The following CARM1 variants were observed in gnomAD, a reference collection of about 807,000 sequenced individuals.
CARM1 encodes coactivator associated arginine methyltransferase 1, also known as histone-arginine methyltransferase CARM1.
Under a neutral mutation model 72.7 loss-of-function variants are expected in CARM1, and 14 were observed. The ratio of observed to expected loss-of-function variants is 0.19; its 90% CI spans 0.13 to 0.30. CARM1 has a LOEUF of 0.30. CARM1 is among the 10% of genes least tolerant of loss of function. The pLI is 1.00. For synonymous variants in CARM1, 333 were observed against 345.5 expected (o/e 0.96, Z 0.40); for missense variants, 432 against 833.7 (o/e 0.52, Z 5.93).
chr19:10,917,250 G>A (rs1047752090), intron 8 of CARM1, among the ~76,000 whole-genome samples: 16 of 152,078 alleles, frequency 1.1e-4, no homozygotes, highest in Non-Finnish European at 2.2e-4. Flanking sequence ...ACTTTGGGAG[G>A]CCAAGGCGGG....
At chr19:10,898,116 A>G (rs1370785066) in intron 1 of CARM1, among the ~76,000 whole-genome samples, 8 of 138,650 alleles carry the variant, frequency 5.8e-5, no homozygotes, top group Non-Finnish European at 1.3e-4. Context: ...AAAAAAAAGA[A>G]AAAAAAAAAA....
intron 2 of CARM1, among the ~76,000 whole-genome samples, chr19:10,905,439 G>A (rs1415271435): frequency 6.6e-6 from 1 of 152,180 alleles, no homozygotes; most frequent in Non-Finnish European, 1.5e-5. Context: ...GGCAGGAAGA[G>A]TTTGCTCAGG....
intron 1 of CARM1, among the ~76,000 whole-genome samples, chr19:10,901,988 A>G (rs1045711488): frequency 6.6e-6 from 1 of 152,090 alleles, no homozygotes; most frequent in Admixed American, 6.6e-5. Flanking sequence ...TCACCTCTGT[A>G]ATCCCAGCAC....
intron 6 of CARM1, among the ~76,000 whole-genome samples, chr19:10,914,470 C>G (rs1246869988): frequency 1.3e-5 from 2 of 152,254 alleles, no homozygotes; most frequent in East Asian, 3.9e-4. Context: ...TGCGAGTGTA[C>G]GTGTGTGAGG....
At chr19:10,907,567 T>C (rs2074114522) in intron 2 of CARM1, among the ~76,000 whole-genome samples, 1 of 152,228 alleles carries the variant, frequency 6.6e-6, no homozygotes, top group African/African-American at 2.4e-5. Flanking sequence ...ATTACAGGCA[T>C]GAGCCACTGC....
At chr19:10,885,650 G>A (rs1051928823) in intron 1 of CARM1, among the ~76,000 whole-genome samples, 1 of 152,212 alleles carries the variant, frequency 6.6e-6, no homozygotes, top group African/African-American at 2.4e-5. Context: ...ACATTCCAGA[G>A]AATTTGCTGC....
At chr19:10,891,574 C>A (rs1271673016) in intron 1 of CARM1, among the ~76,000 whole-genome samples, 1 of 152,202 alleles carries the variant, frequency 6.6e-6, no homozygotes, top group Non-Finnish European at 1.5e-5. Context: ...AGGGCCTGTT[C>A]CCACTCCCCT....
intron 8 of CARM1, among the ~76,000 whole-genome samples, chr19:10,918,561 G>C (rs1015865672): frequency 2.7e-4 from 41 of 152,070 alleles, no homozygotes; most frequent in African/African-American, 9.4e-4. Context: ...TGGTGTCTTA[G>C]CCTCTGATGC....
intron 1 of CARM1, among the ~76,000 whole-genome samples, chr19:10,902,558 C>G (rs1052668130): frequency 2.6e-5 from 4 of 151,034 alleles, no homozygotes; most frequent in African/African-American, 9.7e-5. Context: ...ATCCACCCAT[C>G]TTGCCCTCCC....
rs2074244063 is a variant in CARM1, at chr19:10,921,228, C to A, written c.1615+101C>A. On this transcript the variant is annotated intron_variant, in intron 14 of 15. Transcript: ENST00000327064. ...GACCAGGGTCGGCCTCTGCTTGGTCCTTTCACCTTTTCCTCTTCCTGGGGG... is the reference window on the plus strand; with the variant it reads ...GACCAGGGTCGGCCTCTGCTTGGTCATTTCACCTTTTCCTCTTCCTGGGGG... 42 of 1,442,012 alleles carry A rather than the reference C, an allele frequency of 2.9e-5. No homozygotes were observed. In the South Asian group the frequency reaches 4.6e-4, roughly 16 times the overall value. The allele number at this position is 1,442,012 out of a possible 1,614,324, so 89.3% of individuals were successfully genotyped here.
At chr19:10,898,545 C>T (rs1417459612) in intron 1 of CARM1, among the ~76,000 whole-genome samples, 1 of 152,258 alleles carries the variant, frequency 6.6e-6, no homozygotes, top group Non-Finnish European at 1.5e-5. Context: ...TCCTGGGGTC[C>T]TGCCCCCTTC....
At chr19:10,886,690 G>GT (rs2073945348) in intron 1 of CARM1, among the ~76,000 whole-genome samples, 1 of 152,060 alleles carries the variant, frequency 6.6e-6, no homozygotes, top group South Asian at 2.1e-4. Flanking sequence ...ATTTAGCCGG[G>GT]TGCAGTGGCA....
At chr19:10,904,646 T>A (rs1382576269) in intron 1 of CARM1, among the ~76,000 whole-genome samples, 3 of 152,134 alleles carry the variant, frequency 2.0e-5, no homozygotes, top group Non-Finnish European at 2.9e-5. Context: ...CAGCTCTGAG[T>A]TCCTGTGGGC....
At position 10,880,558 on chromosome 19, in the gene CARM1, T is replaced by C. The variant is rs145259906; in HGVS notation, c.220+8636T>C. On this transcript the variant is annotated intron_variant, in intron 1 of 15. Transcript: ENST00000327064. ...TTGTAGAGACAGGGTCTCACTATGT[T>C]GCTCAGGCGGATGTGGAACTCCTGG... 4.7e-4 allele frequency among the ~76,000 whole-genome samples: 71 copies of C among 150,540 alleles called. 1 individual carries two copies. In the East Asian group the frequency reaches 0.012, roughly 26 times the overall value.
chr19:10,921,293 C>T (rs2074245339), intron 14 of CARM1, 82 bp from the exon 15 acceptor site: 1 of 1,532,202 alleles, frequency 6.5e-7, no homozygotes, highest in South Asian at 1.1e-5. Context: ...CCTCGCTCTG[C>T]AGCCTGCTGC....
At chr19:10,895,594 A>G (rs1336252884) in intron 1 of CARM1, among the ~76,000 whole-genome samples, 1 of 152,192 alleles carries the variant, frequency 6.6e-6, no homozygotes, top group Admixed American at 6.5e-5. Flanking sequence ...CACTTCCCCA[A>G]TCAAGGCCAT....
chr19:10,871,933 G>C lies in CARM1; in HGVS notation c.220+11G>C, dbSNP rs1882195286. The C allele has an allele frequency of 1.5e-5, 18 of 1,184,364 alleles. No homozygotes were observed. The highest frequency in any genetic ancestry group is 1.7e-5 in the Non-Finnish European group (16 of 956,834). 73.4% of individuals were successfully genotyped at this position (1,184,364 alleles called of 1,614,324 possible). ...TCGCCCTCTACAGCCGTGAGTACGG[G>C]GCCCCGGGGCAGGCGCAGGGCCGGG... On this transcript the variant is annotated intron_variant, in intron 1 of 15. Coordinates refer to ENST00000327064, the MANE Select transcript of CARM1 (RefSeq NM_199141.2). The surrounding 1 kb of genome is among the most constrained non-coding windows in gnomAD (Gnocchi z 5.6).
Position 10,871,765 on chromosome 19 carries a change from C to A in CARM1, c.63C>A (p.Gly21=), listed in dbSNP as rs2073820019. Residue 21 remains glycine, a synonymous_variant, in exon 1 of 16, where the codon GGC becomes GGA. Coordinates refer to ENST00000327064, the MANE Select transcript of CARM1 (RefSeq NM_199141.2). This position sits in a 1 kb window ranked among gnomAD's most constrained non-coding sequence, Gnocchi z 5.6. The part of the protein sequence containing the change: ...GAGGAGSAVP[G]GAGPCATVSV... ...GCGGCGCGGGGTCGGCGGTCCCGGGCGGCGCGGGGCCCTGCGCTACCGTGT... is the reference window on the plus strand; with the variant it reads ...GCGGCGCGGGGTCGGCGGTCCCGGGAGGCGCGGGGCCCTGCGCTACCGTGT... 8.9e-7 allele frequency: 1 copy of A among 1,123,186 alleles called. No individual in the cohort carries two copies. The highest frequency in any genetic ancestry group is 1.1e-6 in the Non-Finnish European group (1 of 918,656). The allele number at this position is 1,123,186 out of a possible 1,614,324, so 69.6% of individuals were successfully genotyped here.
chr19:10,891,155 A>C (rs535638843), intron 1 of CARM1, among the ~76,000 whole-genome samples: 43 of 151,828 alleles, frequency 2.8e-4, no homozygotes, highest in Admixed American at 2.6e-3. Flanking sequence ...GAGCCGGAGC[A>C]CTGTGGGGAC....
Sources: allele counts gnomAD v4.1 joint callset (sites outside exome capture counted in the v4.1 genomes callset), GRCh38; gene constraint gnomAD v4.1.1; non-coding constraint Gnocchi (gnomAD v3.1); transcripts MANE v1.5; gene names NCBI Gene and HGNC (gene_info 2026-07-23, HGNC 2026-07-21).